PLCB4: variants seen among roughly 807,000 people sequenced by gnomAD.
PLCB4 encodes 1-phosphatidylinositol 4,5-bisphosphate phosphodiesterase beta-4.
In PLCB4, 77 loss-of-function variants were observed where a neutral mutation model predicts 178.8. That is an observed-to-expected ratio of 0.43 (90% CI 0.36 to 0.52). PLCB4 has a LOEUF of 0.52. Among genes scored for constraint, PLCB4 ranks in the 20% least tolerant of loss-of-function variants. The pLI is 0.00. For synonymous variants in PLCB4, 496 were observed against 490.8 expected (o/e 1.01, Z -0.14); for missense variants, 1,024 against 1,453.4 (o/e 0.70, Z 4.80).
chr20:9,124,370 T>C (rs1187019055), intron 2 of PLCB4, among the ~76,000 whole-genome samples: 1 of 152,108 alleles, frequency 6.6e-6, no homozygotes, highest in Non-Finnish European at 1.5e-5. Context: ...CACATGCCTG[T>C]AGTCCCAGCT....
intron 7 of PLCB4, 66 bp downstream of exon 7, chr20:9,339,103 T>C (rs1290761441): frequency 5.9e-6 from 7 of 1,195,380 alleles, no homozygotes; most frequent in Non-Finnish European, 8.4e-6. Flanking sequence ...TTTAATTTTA[T>C]GCGTGCTATA....
chr20:9,465,088 A>G (rs2043675202), intron 35 of PLCB4, among the ~76,000 whole-genome samples: 2 of 152,194 alleles, frequency 1.3e-5, no homozygotes, highest in African/African-American at 4.8e-5. Context: ...CTTAACCACC[A>G]TGATCATGTC....
chr20:9,301,226 G>A (rs1385812246), intron 3 of PLCB4, among the ~76,000 whole-genome samples: 1 of 151,826 alleles, frequency 6.6e-6, no homozygotes, highest in Admixed American at 6.6e-5. Flanking sequence ...GCCCTGTAAG[G>A]TAACATTCGC....
intron 20 of PLCB4, among the ~76,000 whole-genome samples, chr20:9,402,339 C>T (rs560820167): frequency 6.6e-6 from 1 of 152,304 alleles, no homozygotes; most frequent in Admixed American, 6.5e-5. Context: ...GAATCACTTT[C>T]CATGCGGAGG....
rs111786750 is a variant in PLCB4 at position 9,372,265 on chromosome 20, C to A, written c.586-38C>A. On this transcript the variant is annotated intron_variant, in intron 10 of 39. Coordinates refer to ENST00000378473, the MANE Select transcript of PLCB4 (RefSeq NM_001377142.1). ...AGCTTCTCACCCTCCAAGGGAAAAA[C>A]GGTTCTGTGATTCATAACATGATTT... The A allele has an allele frequency of 3.2e-5, 38 of 1,203,778 alleles. 1 individual carries two copies. Among genetic ancestry groups the A allele is most frequent in the African/African-American group, 2.7e-4 (18 of 65,964 alleles). 74.6% of individuals were successfully genotyped at this position (1,203,778 alleles called of 1,614,324 possible).
At chr20:9,143,410 A>G (rs1376008802) in intron 2 of PLCB4, among the ~76,000 whole-genome samples, 1 of 152,184 alleles carries the variant, frequency 6.6e-6, no homozygotes, top group Non-Finnish European at 1.5e-5. Context: ...TCAGCTGTCA[A>G]TAATTTCTAT....
At chr20:9,202,183 G>T (rs1013160028) in intron 2 of PLCB4, among the ~76,000 whole-genome samples, 1 of 152,174 alleles carries the variant, frequency 6.6e-6, no homozygotes, top group African/African-American at 2.4e-5. Flanking sequence ...AGGCAACATT[G>T]TAGGAAAAGA....
chr20:9,247,270 A>G (rs78780368), intron 3 of PLCB4, among the ~76,000 whole-genome samples: 7,215 of 152,238 alleles, frequency 0.047, 246 homozygotes, highest in Non-Finnish European at 0.072. Flanking sequence ...AATTCTGTAG[A>G]CCGCAGGTTG....
intron 3 of PLCB4, among the ~76,000 whole-genome samples, chr20:9,251,137 T>C (rs991223940): frequency 1.3e-5 from 2 of 152,228 alleles, no homozygotes; most frequent in African/African-American, 2.4e-5. Flanking sequence ...CATCCAGCCA[T>C]GGTGTGCAAA....
At chr20:9,252,844 C>T (rs1406928745) in intron 3 of PLCB4, among the ~76,000 whole-genome samples, 1 of 152,122 alleles carries the variant, frequency 6.6e-6, no homozygotes, top group Admixed American at 6.5e-5. Context: ...GCTCCTGGTT[C>T]TCAGGCCTTT....
chr20:9,333,545 A>G (rs887372973), intron 4 of PLCB4, among the ~76,000 whole-genome samples: 1 of 152,220 alleles, frequency 6.6e-6, no homozygotes, highest in African/African-American at 2.4e-5. Context: ...GAAGGATCCC[A>G]GATCGTTCAG....
intron 7 of PLCB4, among the ~76,000 whole-genome samples, chr20:9,347,364 A>G (rs968321849): frequency 2.6e-5 from 4 of 152,206 alleles, no homozygotes; most frequent in African/African-American, 9.7e-5. Context: ...CTCATTTTTT[A>G]AACATTGTGC....
At chr20:9,419,107 T>G (rs934884016) in intron 25 of PLCB4, among the ~76,000 whole-genome samples, 7 of 152,182 alleles carry the variant, frequency 4.6e-5, no homozygotes, top group South Asian at 2.1e-4. Flanking sequence ...CATCTGTGAC[T>G]AGAAATAGGC....
intron 3 of PLCB4, among the ~76,000 whole-genome samples, chr20:9,250,630 C>T (rs891956404): frequency 6.6e-6 from 1 of 152,216 alleles, no homozygotes; most frequent in Non-Finnish European, 1.5e-5. Flanking sequence ...CATTATTTGC[C>T]TGTCTTGCAG....
intron 2 of PLCB4, among the ~76,000 whole-genome samples, chr20:9,138,417 A>G (rs559214478): frequency 1.6e-4 from 25 of 152,156 alleles, no homozygotes; most frequent in Non-Finnish European, 3.4e-4. Flanking sequence ...TGGGAAATAT[A>G]TTGCTAGATA....
At chr20:9,274,649 G>A (rs1336167190) in intron 3 of PLCB4, among the ~76,000 whole-genome samples, 1 of 152,010 alleles carries the variant, frequency 6.6e-6, no homozygotes, top group Non-Finnish European at 1.5e-5. Flanking sequence ...TCTGTCCTAC[G>A]AAAACCATGC....
intron 3 of PLCB4, among the ~76,000 whole-genome samples, chr20:9,253,671 A>C (rs1462623302): frequency 6.6e-6 from 1 of 152,186 alleles, no homozygotes; most frequent in Non-Finnish European, 1.5e-5. Context: ...AGGTATGCAT[A>C]AAGTCTGTTC....
chr20:9,241,648 G>T (rs148663873), intron 3 of PLCB4, among the ~76,000 whole-genome samples: 94 of 152,300 alleles, frequency 6.2e-4, no homozygotes, highest in Middle Eastern at 6.8e-3. Context: ...GGTATAACCT[G>T]CAGGAGCCAA....
chr20:9,301,122 T>A (rs1346677658), intron 3 of PLCB4, among the ~76,000 whole-genome samples: 1 of 151,492 alleles, frequency 6.6e-6, no homozygotes, highest in Non-Finnish European at 1.5e-5. Flanking sequence ...CCTGCTCCCC[T>A]TTTGTAAGGA....
Sources: gnomAD v4.1 joint callset for allele counts (sites outside exome capture counted in the v4.1 genomes callset) on GRCh38, gnomAD v4.1.1 for gene constraint, MANE v1.5 for transcripts, NCBI Gene and HGNC (gene_info 2026-07-23, HGNC 2026-07-21) for gene names.